KLHL1: variants seen among roughly 807,000 people sequenced by gnomAD.
KLHL1 encodes the protein kelch like family member 1.
A neutral mutation model predicts 77.7 loss-of-function variants in KLHL1; 47 were observed. The observed-to-expected ratio is 0.60, with a 90% CI of 0.48 to 0.77. The LOEUF is 0.77. Ranked by LOEUF, KLHL1 falls within the 30% of genes least tolerant of loss-of-function variation. The pLI is 0.00. For missense variants in KLHL1, 925 were observed against 910.8 expected (o/e 1.02, Z -0.20); for synonymous variants, 360 against 325.2 (o/e 1.11, Z -1.15).
rs1242588039 is a variant in KLHL1 at position 69,953,727 on chromosome 13, G to C, written c.817+7581C>G. Among the ~76,000 whole-genome samples, 3 of 150,950 alleles carry C rather than the reference G, an allele frequency of 2.0e-5. No individual in the cohort carries two copies. The Admixed American group carries it at 2.0e-4, about 10-fold the overall frequency. ...TACATGTATACCAAATCATACATCTGAATTAAAAAACATATAATGCTGAAA... is the reference window on the plus strand; with the variant it reads ...TACATGTATACCAAATCATACATCTCAATTAAAAAACATATAATGCTGAAA... On this transcript the variant is annotated intron_variant, in intron 3 of 10. Transcript: ENST00000377844.
chr13:69,892,789 G>C (rs1881474070), intron 4 of KLHL1, among the ~76,000 whole-genome samples: 1 of 152,162 alleles, frequency 6.6e-6, no homozygotes, highest in Non-Finnish European at 1.5e-5. Context: ...AGTCAGTACA[G>C]AAGTTACTTA....
chr13:69,873,943 T>C (rs1479135761), intron 5 of KLHL1, among the ~76,000 whole-genome samples: 4 of 152,114 alleles, frequency 2.6e-5, no homozygotes, highest in South Asian at 2.1e-4. Context: ...AAGAATATAG[T>C]AGGTGAAAAT....
intron 8 of KLHL1, among the ~76,000 whole-genome samples, chr13:69,737,714 G>A (rs1873820702): frequency 6.6e-6 from 1 of 152,174 alleles, no homozygotes; most frequent in Non-Finnish European, 1.5e-5. Flanking sequence ...TCCCCAGCCA[G>A]GGATTTATGA....
At chr13:69,914,393 T>C (rs1882349045) in intron 4 of KLHL1, among the ~76,000 whole-genome samples, 1 of 152,160 alleles carries the variant, frequency 6.6e-6, no homozygotes, top group Non-Finnish European at 1.5e-5. Flanking sequence ...TTTGTCTCCA[T>C]GGAATAGACA....
chr13:69,893,681 G>T (rs986564811), intron 4 of KLHL1, among the ~76,000 whole-genome samples: 1 of 152,100 alleles, frequency 6.6e-6, no homozygotes, highest in Non-Finnish European at 1.5e-5. Flanking sequence ...ACATAAATGC[G>T]TGGAGCATTA....
intron 7 of KLHL1, among the ~76,000 whole-genome samples, chr13:69,758,035 G>C (rs908737032): frequency 2.7e-5 from 4 of 148,034 alleles, no homozygotes; most frequent in Non-Finnish European, 5.9e-5. Flanking sequence ...GGTAATAAAA[G>C]GTTTTTTAAA....
At chr13:70,061,762 T>C (rs746148065) in intron 1 of KLHL1, among the ~76,000 whole-genome samples, 4 of 152,204 alleles carry the variant, frequency 2.6e-5, no homozygotes, top group African/African-American at 4.8e-5. Context: ...AGTTTCTCTT[T>C]TTTTGTGTGT....
intron 2 of KLHL1, among the ~76,000 whole-genome samples, chr13:69,964,221 T>C (rs945179597): frequency 2.0e-5 from 3 of 152,110 alleles, no homozygotes; most frequent in Admixed American, 6.6e-5. Context: ...TTTTTGAATT[T>C]TTTGTAGACA....
intron 1 of KLHL1, among the ~76,000 whole-genome samples, chr13:70,004,454 G>C (rs1415809289): frequency 1.3e-5 from 2 of 151,956 alleles, no homozygotes; most frequent in East Asian, 3.9e-4. Context: ...GAAGGTTATA[G>C]CTTGATTCTA....
intron 1 of KLHL1, among the ~76,000 whole-genome samples, chr13:70,043,753 C>G (rs765415069): frequency 2.6e-5 from 4 of 152,146 alleles, no homozygotes; most frequent in Non-Finnish European, 5.9e-5. Flanking sequence ...GGAGGCTGTA[C>G]CATCTCAGTT....
At chr13:69,903,087 C>T (rs1472369408) in intron 4 of KLHL1, among the ~76,000 whole-genome samples, 1 of 152,068 alleles carries the variant, frequency 6.6e-6, no homozygotes, top group Non-Finnish European at 1.5e-5. Context: ...TCTCAATGGA[C>T]TCCCTGTGGC....
intron 1 of KLHL1, among the ~76,000 whole-genome samples, chr13:70,035,986 T>G (rs1886229444): frequency 6.6e-6 from 1 of 152,076 alleles, no homozygotes; most frequent in African/African-American, 2.4e-5. Context: ...TAATAATGTT[T>G]ACTTTATAAA....
At chr13:69,976,041 A>G (rs1473120465) in intron 1 of KLHL1, among the ~76,000 whole-genome samples, 1 of 152,124 alleles carries the variant, frequency 6.6e-6, no homozygotes, top group African/African-American at 2.4e-5. Flanking sequence ...GAGGTTTAAA[A>G]ATATGTTGTC....
chr13:70,106,111 T>A lies in KLHL1; in HGVS notation c.497+1092A>T, dbSNP rs182243602. Among the ~76,000 whole-genome samples the A allele has an allele frequency of 6.2e-3, 945 of 151,664 alleles. 7 individuals carry two copies. Among genetic ancestry groups the A allele is most frequent in the African/African-American group, 0.021 (887 of 41,530 alleles). On this transcript the variant is annotated intron_variant, in intron 1 of 10. Transcript: ENST00000377844. ...CATATATACACATATAGGTTATACA[T>A]ATATAATTTTATCTATTCTTTTTGG...
At chr13:70,003,364 T>A (rs750190673) in intron 1 of KLHL1, among the ~76,000 whole-genome samples, 6 of 151,728 alleles carry the variant, frequency 4.0e-5, no homozygotes, top group Non-Finnish European at 7.4e-5. Flanking sequence ...GATGCCTGAT[T>A]CCTATAGAGA....
chr13:69,727,920 C>T (rs1046647097), intron 8 of KLHL1, among the ~76,000 whole-genome samples: 3 of 151,722 alleles, frequency 2.0e-5, no homozygotes, highest in Admixed American at 1.3e-4. Flanking sequence ...TTTGGGGCCA[C>T]TCCCTGCCAA....
At chr13:69,732,816 T>C (rs1045371080) in intron 8 of KLHL1, among the ~76,000 whole-genome samples, 3 of 152,096 alleles carry the variant, frequency 2.0e-5, no homozygotes, top group Non-Finnish European at 4.4e-5. Context: ...GCCAGCAGAT[T>C]GGCATCTTCT....
intron 1 of KLHL1, among the ~76,000 whole-genome samples, chr13:70,047,237 C>T (rs1384801539): frequency 1.3e-5 from 2 of 150,486 alleles, no homozygotes; most frequent in East Asian, 3.9e-4. Context: ...CTTGGTTTGA[C>T]CAGCTTGATT....
At chr13:70,102,888 TTGAG>T (rs1175033750) in intron 1 of KLHL1, among the ~76,000 whole-genome samples, 1 of 152,198 alleles carries the variant, frequency 6.6e-6, no homozygotes, top group Non-Finnish European at 1.5e-5. Flanking sequence ...ACAGTATTTA[TTGAG>T]TAACTACCTG....
Sources: gnomAD v4.1 joint callset for allele counts (sites outside exome capture counted in the v4.1 genomes callset) on GRCh38, gnomAD v4.1.1 for gene constraint, MANE v1.5 for transcripts, NCBI Gene and HGNC (gene_info 2026-07-23, HGNC 2026-07-21) for gene names.